Variants in CHRNA1 observed in about 807,000 individuals in gnomAD.
CHRNA1 encodes acetylcholine receptor subunit alpha.
Under a neutral mutation model 47.1 loss-of-function variants are expected in CHRNA1, and 35 were observed. The ratio of observed to expected loss-of-function variants is 0.74; its 90% CI spans 0.57 to 0.99. The LOEUF (loss-of-function observed/expected upper bound fraction) is 0.99. Among genes scored for constraint, CHRNA1 ranks in the 50% least tolerant of loss-of-function variants. The pLI is 0.00. For missense variants in CHRNA1, 506 were observed against 591.1 expected, an observed-to-expected ratio of 0.86 and a Z score of 1.49; for synonymous variants, 229 against 223.6, an observed-to-expected ratio of 1.02 and a Z score of -0.22.
chr2:174,750,210 C>T, intron 6 of CHRNA1, 41 bp from the exon 7 acceptor site: 1 of 1,519,314 alleles, frequency 6.6e-7, no homozygotes, highest in Non-Finnish European at 9.0e-7. Flanking sequence ...CCACAACTAC[C>T]CATCTGGGTT....
intron 6 of CHRNA1, among the ~76,000 whole-genome samples, chr2:174,751,420 T>C (rs1480435328): frequency 6.6e-6 from 1 of 152,180 alleles, no homozygotes; most frequent in Non-Finnish European, 1.5e-5. Flanking sequence ...ACTGGCTGCT[T>C]CCGGATGCTA....
chr2:174,756,015 A>G (rs1350373483), intron 4 of CHRNA1, among the ~76,000 whole-genome samples: 1 of 142,048 alleles, frequency 7.0e-6, no homozygotes, highest in East Asian at 2.1e-4. Flanking sequence ...CAGCCTGAGC[A>G]ATGGAGCAGA....
chr2:174,754,823 T>C (rs1574007862), intron 4 of CHRNA1, among the ~76,000 whole-genome samples: 2 of 148,776 alleles, frequency 1.3e-5, no homozygotes, highest in Admixed American at 6.7e-5. Flanking sequence ...GAATTTTACA[T>C]AAAACACCTC....
chr2:174,760,647 A>G (rs1452331268), intron 1 of CHRNA1, among the ~76,000 whole-genome samples: 1 of 152,234 alleles, frequency 6.6e-6, no homozygotes, highest in African/African-American at 2.4e-5. Flanking sequence ...ATGGTCTTAT[A>G]ACATGTGAAT....
intron 6 of CHRNA1, chr2:174,753,207 T>A (rs1454656756): frequency 1.2e-5 from 7 of 601,824 alleles, no homozygotes; most frequent in Admixed American, 5.5e-5. Flanking sequence ...GGGCACACAG[T>A]TGGTATTCAG....
chr2:174,755,677 C>G (rs1451134431), intron 4 of CHRNA1, among the ~76,000 whole-genome samples: 3 of 152,158 alleles, frequency 2.0e-5, no homozygotes, highest in Non-Finnish European at 4.4e-5. Context: ...CTCAGCCTCC[C>G]AAAGTGCTGG....
intron 1 of CHRNA1, among the ~76,000 whole-genome samples, chr2:174,762,726 C>G (rs1235564178): frequency 6.6e-6 from 1 of 152,198 alleles, no homozygotes. Flanking sequence ...CTGTGTTAAG[C>G]TAACACAGGA....
At chr2:174,757,419 G>A in intron 4 of CHRNA1, 147 bp downstream of exon 4, 1 of 682,648 alleles carries the variant, frequency 1.5e-6, no homozygotes, top group South Asian at 1.6e-5. Context: ...GCCTCCCAAA[G>A]TGCTGAGTTT....
chr2:174,758,102 T>G, intron 3 of CHRNA1: 3 of 1,600,634 alleles, frequency 1.9e-6, no homozygotes, highest in Non-Finnish European at 2.6e-6. Context: ...AAGTACCATA[T>G]ATTTTTCTAC....
Position 174,759,561 on chromosome 2 carries a change from A to T in CHRNA1, c.116T>A (p.Val39Glu). ...AKLFKDYSSVVRPVEDHRQVV... is the reference protein window; with the variant it reads ...AKLFKDYSSVERPVEDHRQVV... ...CTGGCGGTGGTCTTCCACTGGCCGC[A>T]CCACGCTGCTGTAGTCTTTAAATAG... is the stretch of plus-strand genomic sequence containing the variant. The change falls in exon 2 of 9, where the codon GTG becomes GAG. Residue 39 changes from valine (V) to glutamate (E), a missense_variant. Transcript: ENST00000348749. 3.1e-6 allele frequency: 5 copies of T among 1,614,012 alleles called. No individual in the cohort carries two copies. The South Asian group carries it at 5.5e-5, about 18-fold the overall frequency.
chr2:174,748,765 A>G lies in CHRNA1; in HGVS notation c.1057T>C (p.Ser353Pro). The G allele has an allele frequency of 6.2e-7, 1 of 1,614,178 alleles. No homozygotes were observed. The highest frequency in any genetic ancestry group is 8.5e-7 in the Non-Finnish European group (1 of 1,180,026). The part of the protein sequence containing the change: ...IMFFSTMKRP[S>P]REKQDKKIFT... ...ATCTTTTTGTCTTGCTTTTCTCTGG[A>G]TGGTCTTTTCATTGTGGAGAAAAAC... The change falls in exon 8 of 9, where the codon TCC (serine) becomes CCC (proline). Residue 353 changes from serine (S) to proline (P), a missense_variant. Transcript: ENST00000348749.
intron 6 of CHRNA1, among the ~76,000 whole-genome samples, chr2:174,752,327 T>A (rs1348857894): frequency 1.3e-5 from 2 of 151,128 alleles, no homozygotes; most frequent in Non-Finnish European, 2.9e-5. Flanking sequence ...TCCCAGCACT[T>A]TGGGAGGCCG....
At chr2:174,761,683 C>T (rs1684103985) in intron 1 of CHRNA1, among the ~76,000 whole-genome samples, 2 of 152,218 alleles carry the variant, frequency 1.3e-5, no homozygotes, top group South Asian at 4.1e-4. Context: ...AGAGATTTCA[C>T]ATGACATTTC....
chr2:174,760,177 G>T (rs1462113091), intron 1 of CHRNA1, among the ~76,000 whole-genome samples: 1 of 152,118 alleles, frequency 6.6e-6, no homozygotes. Context: ...AATGTAAAAT[G>T]GCAGTTCCTC....
In CHRNA1 at chr2:174,749,120, C is replaced by A. The variant is rs564588963; in HGVS notation, c.1003-301G>T. On this transcript the variant is annotated intron_variant, in intron 7 of 8. Coordinates refer to ENST00000348749, the MANE Select transcript of CHRNA1 (RefSeq NM_000079.4). ...CCAATGAGCTTAAAAGCGTCAGGAT[C>A]CCCTACAGGTATGGAAAATGCCTTA... Among the ~76,000 whole-genome samples, 5 of 152,302 alleles carry A rather than the reference C, an allele frequency of 3.3e-5. No homozygotes were observed. In the East Asian group the frequency reaches 9.6e-4, roughly 29 times the overall value.
In CHRNA1 at chr2:174,759,508, G is replaced by A. The variant is rs985725413; in HGVS notation, c.169C>T (p.Leu57=). ...QVVEVTVGLQ[L]IQLINVDEVN... ...CTCACCACATTGATGAGCTGTATCA[G>A]CTGCAGGCCCACGGTGACCTCCACG... Residue 57 remains leucine (L), a synonymous_variant, in exon 2 of 9, where the codon CTG becomes TTG. Transcript: ENST00000348749. The A allele has an allele frequency of 5.6e-6, 9 of 1,614,160 alleles. No individual in the cohort carries two copies. Among genetic ancestry groups the A allele is most frequent in the Admixed American group, 1.7e-5 (1 of 60,022 alleles).
Position 174,753,532 on chromosome 2 carries a change from C to T in CHRNA1, c.749G>A (p.Gly250Asp), listed in dbSNP as rs1261346012. 2 of 1,613,998 alleles carry T rather than the reference C, an allele frequency of 1.2e-6. No homozygotes were observed. Among genetic ancestry groups the T allele is most frequent in the African/African-American group, 2.7e-5 (2 of 74,892 alleles). ...IPCLLFSFLT[G>D]LVFYLPTDSG... ...GTCTGTGGGCAGGTAGAATACCAGGCCAGTTAAGAAGGAGAAGAGCAGGCA... is the reference window on the plus strand; with the variant it reads ...GTCTGTGGGCAGGTAGAATACCAGGTCAGTTAAGAAGGAGAAGAGCAGGCA... The change falls in exon 6 of 9, where the codon GGC (glycine) becomes GAC (aspartate). Residue 250 changes from glycine to aspartate, a missense_variant. Transcript: ENST00000348749.
intron 8 of CHRNA1, 56 bp downstream of exon 8, chr2:174,748,524 C>A: frequency 6.3e-7 from 1 of 1,594,190 alleles, no homozygotes; most frequent in Non-Finnish European, 8.6e-7. Flanking sequence ...ACCACCTGTG[C>A]TCATACATTT....
chr2:174,764,252 T>C, intron 1 of CHRNA1, 100 bp downstream of exon 1: 3 of 1,265,592 alleles, frequency 2.4e-6, no homozygotes, highest in Non-Finnish European at 2.3e-6. Context: ...GGCTCTGCCA[T>C]TCTGTGGTCT....
Sources: allele counts gnomAD v4.1 joint callset (sites outside exome capture counted in the v4.1 genomes callset), GRCh38; gene constraint gnomAD v4.1.1; transcripts MANE v1.5; gene names NCBI Gene and HGNC (gene_info 2026-07-23, HGNC 2026-07-21).